The following PCDHGA6 variants were observed in gnomAD, a reference collection of about 807,000 sequenced individuals.
PCDHGA6 encodes the protein protocadherin gamma-A6.
Under a neutral mutation model 60.6 loss-of-function variants are expected in PCDHGA6, and 41 were observed. The observed-to-expected ratio is 0.68, with a 90% confidence interval of 0.53 to 0.88. PCDHGA6 has a LOEUF of 0.88. Ranked by LOEUF, PCDHGA6 falls within the 40% of genes least tolerant of loss-of-function variation. PCDHGA6 has a pLI of 0.00. For missense variants in PCDHGA6, 1,312 were observed against 1,203.0 expected (o/e 1.09, Z -1.34); for synonymous variants, 594 against 524.4 (o/e 1.13, Z -1.81).
chr5:141,382,125 G>GC (rs1470370841), intron 1 of PCDHGA6, among the ~76,000 whole-genome samples: 4 of 151,872 alleles, frequency 2.6e-5, no homozygotes, highest in Non-Finnish European at 5.9e-5. Flanking sequence ...ACAGCACCTG[G>GC]CCCCCCCTCT....
At chr5:141,409,429 C>T (rs767514268) in intron 1 of PCDHGA6, 3 of 1,613,872 alleles carry the variant, frequency 1.9e-6, no homozygotes, top group African/African-American at 1.3e-5. Flanking sequence ...CAGATGGAGC[C>T]CTGGACCGAG....
At position 141,485,073 on chromosome 5, in the gene PCDHGA6, C is replaced by T. The variant is rs1167407526; in HGVS notation, c.2425-9734C>T. ...CGGCCGAACCGCGCCAGAGCTGGCG[C>T]GGGGAAAGGGAGATAGGTGTCTCCA... On this transcript the variant is annotated intron_variant, in intron 1 of 3. Transcript: ENST00000517434. The surrounding 1 kb of genome is among the most constrained non-coding windows in gnomAD (Gnocchi z 5.7). 3.3e-6 allele frequency: 3 copies of T among 922,354 alleles called. No homozygotes were observed. The highest frequency in any genetic ancestry group is 4.8e-5 in the East Asian group (2 of 41,404). 57.1% of individuals were successfully genotyped at this position (922,354 alleles called of 1,614,324 possible).
chr5:141,399,009 C>A (rs759328384), intron 1 of PCDHGA6: 1 of 1,613,812 alleles, frequency 6.2e-7, no homozygotes, highest in African/African-American at 1.3e-5. Context: ...ATTCAAAGAG[C>A]GGAGAAATTA....
intron 1 of PCDHGA6, among the ~76,000 whole-genome samples, chr5:141,429,880 G>A (rs1209368869): frequency 6.6e-6 from 1 of 152,104 alleles, no homozygotes; most frequent in Non-Finnish European, 1.5e-5. Context: ...CTTTTACTAA[G>A]TTTCCTGAAC....
At chr5:141,442,754 T>C (rs2098341364) in intron 1 of PCDHGA6, among the ~76,000 whole-genome samples, 1 of 152,220 alleles carries the variant, frequency 6.6e-6, no homozygotes, top group Non-Finnish European at 1.5e-5. Flanking sequence ...GTTTTGATTA[T>C]ATATATTTGT....
At chr5:141,418,343 A>G in intron 1 of PCDHGA6, 1 of 1,614,010 alleles carries the variant, frequency 6.2e-7, no homozygotes, top group Non-Finnish European at 8.5e-7. Flanking sequence ...AGATCCTGAT[A>G]TTAGTATGAA....
chr5:141,490,080 T>A lies in PCDHGA6; in HGVS notation c.2425-4727T>A, dbSNP rs2099695881. On this transcript the variant is annotated intron_variant, in intron 1 of 3. Coordinates refer to ENST00000517434, the MANE Select transcript of PCDHGA6 (RefSeq NM_018919.3). The surrounding 1 kb of genome is among the most constrained non-coding windows in gnomAD (Gnocchi z 5.4). ...GCACCAACGGCCAACTAGACTATTCTTTTGGAGACCACACATCTGAGGCAG... is the reference window on the plus strand; with the variant it reads ...GCACCAACGGCCAACTAGACTATTCATTTGGAGACCACACATCTGAGGCAG... The A allele has an allele frequency of 6.2e-7, 1 of 1,614,246 alleles. No homozygotes were observed. The highest frequency in any genetic ancestry group is 2.2e-5 in the East Asian group (1 of 44,884).
intron 1 of PCDHGA6, chr5:141,442,197 A>G (rs1267971703): frequency 1.3e-5 from 2 of 153,426 alleles, no homozygotes; most frequent in African/African-American, 4.8e-5. Context: ...ATTAATTTAT[A>G]TCTGGTGATT....
intron 1 of PCDHGA6, among the ~76,000 whole-genome samples, chr5:141,463,087 C>T (rs971667191): frequency 6.6e-6 from 1 of 152,120 alleles, no homozygotes; most frequent in Non-Finnish European, 1.5e-5. Context: ...CATTTTCCAG[C>T]CCTATGTGAC....
Position 141,489,429 on chromosome 5 carries a change from G to A in PCDHGA6, c.2425-5378G>A. 1 of 1,614,140 alleles carries A rather than the reference G, an allele frequency of 6.2e-7. No individual in the cohort carries two copies. Among genetic ancestry groups the A allele is most frequent in the Non-Finnish European group, 8.5e-7 (1 of 1,180,036 alleles). ...AGATGACAGATCTGTTGAGCCGGCG[G>A]CTGCAATTGGGCTCTGAGGAGAATG... On this transcript the variant is annotated intron_variant, in intron 1 of 3. Transcript: ENST00000517434. The surrounding 1 kb of genome is among the most constrained non-coding windows in gnomAD (Gnocchi z 4.5).
chr5:141,415,863 G>A, intron 1 of PCDHGA6: 4 of 1,107,154 alleles, frequency 3.6e-6, no homozygotes, highest in Non-Finnish European at 4.7e-6. Flanking sequence ...GTAGTTTATA[G>A]TGTTGTTGAG....
intron 1 of PCDHGA6, chr5:141,478,141 C>T (rs770862398): frequency 6.2e-7 from 1 of 1,614,044 alleles, no homozygotes; most frequent in Non-Finnish European, 8.5e-7. Context: ...AAGCCCGAGC[C>T]GAGTTCCCCT....
chr5:141,419,996 C>G, intron 1 of PCDHGA6: 1 of 1,614,084 alleles, frequency 6.2e-7, no homozygotes, highest in Non-Finnish European at 8.5e-7. Context: ...AGCTATTGCT[C>G]TACGCCTGCG....
intron 1 of PCDHGA6, chr5:141,410,438 G>A (rs957017717): frequency 2.5e-6 from 4 of 1,613,894 alleles, no homozygotes; most frequent in African/African-American, 2.7e-5. Flanking sequence ...CTACAGTGAG[G>A]GGACTTTGCC....
At chr5:141,484,916 CCTG>C (rs34524370) in intron 1 of PCDHGA6, 64,782 of 456,708 alleles carry the variant, frequency 0.14, 4,878 homozygotes, top group African/African-American at 0.18. Context: ...ACGCATTAAC[CCTG>C]CTGCTGTTGG....
At chr5:141,398,544 G>A (rs1002395942) in intron 1 of PCDHGA6, 1 of 1,613,852 alleles carries the variant, frequency 6.2e-7, no homozygotes, top group Non-Finnish European at 8.5e-7. Flanking sequence ...ATTCCTTTGA[G>A]CTGCAAATAA....
chr5:141,403,703 G>A (rs747321937), intron 1 of PCDHGA6: 5 of 1,613,946 alleles, frequency 3.1e-6, no homozygotes, highest in Non-Finnish European at 4.2e-6. Context: ...CCGAGTTAAA[G>A]TCCTTGAGAA....
At chr5:141,389,567 G>A in intron 1 of PCDHGA6, 1 of 1,613,250 alleles carries the variant, frequency 6.2e-7, no homozygotes, top group South Asian at 1.1e-5. Flanking sequence ...CACGGGTGCT[G>A]TACCCCGCGC....
chr5:141,460,470 A>T (rs2098990057), intron 1 of PCDHGA6, among the ~76,000 whole-genome samples: 1 of 152,110 alleles, frequency 6.6e-6, no homozygotes, highest in South Asian at 2.1e-4. Flanking sequence ...TTTCCAAAGG[A>T]ATATCCAATT....
Sources: allele counts gnomAD v4.1 joint callset (sites outside exome capture counted in the v4.1 genomes callset), GRCh38; gene constraint gnomAD v4.1.1; non-coding constraint Gnocchi (gnomAD v3.1); transcripts MANE v1.5; gene names NCBI Gene and HGNC (gene_info 2026-07-23, HGNC 2026-07-21).